The following CUL1 variants were observed in gnomAD, a reference collection of about 807,000 sequenced individuals.
The protein encoded by CUL1 is cullin 1.
In CUL1, 24 loss-of-function variants were observed where a neutral mutation model predicts 118.0. The ratio of observed to expected loss-of-function variants is 0.20; its 90% confidence interval spans 0.15 to 0.29. The LOEUF (loss-of-function observed/expected upper bound fraction) is 0.29. CUL1 is among the 10% of genes least tolerant of loss of function. The pLI is 1.00. For synonymous variants in CUL1, 332 were observed against 340.4 expected, an observed-to-expected ratio of 0.98 and a Z score of 0.27; for missense variants, 361 against 933.8, an observed-to-expected ratio of 0.39 and a Z score of 7.99.
intron 2 of CUL1, among the ~76,000 whole-genome samples, chr7:148,750,997 A>C (rs1480320195): frequency 2.6e-5 from 4 of 151,878 alleles, no homozygotes; most frequent in South Asian, 2.1e-4. Context: ...AAAAAAAAAA[A>C]AACAAAACAA....
intron 2 of CUL1, among the ~76,000 whole-genome samples, chr7:148,749,821 A>T (rs1308402430): frequency 6.6e-6 from 1 of 152,364 alleles, no homozygotes; most frequent in Non-Finnish European, 1.5e-5. Flanking sequence ...ATAGGCCAAA[A>T]GCTAGGCCTC....
intron 1 of CUL1, among the ~76,000 whole-genome samples, chr7:148,716,726 TTTC>T (rs1425186054): frequency 6.6e-6 from 1 of 152,258 alleles, no homozygotes; most frequent in Non-Finnish European, 1.5e-5. Context: ...AAGAATTTAC[TTTC>T]TTATCAGTAT....
chr7:148,759,455 C>A, intron 5 of CUL1, 93 bp from the exon 6 acceptor site: 1 of 1,416,988 alleles, frequency 7.1e-7, no homozygotes. Flanking sequence ...TCCCATCTTA[C>A]ATTGTTTAGT....
chr7:148,725,202 C>CACACACGCGCGCGCGCGCGCGT (rs1554463762), intron 1 of CUL1, among the ~76,000 whole-genome samples: 1 of 134,028 alleles, frequency 7.5e-6, no homozygotes, highest in East Asian at 2.2e-4. Flanking sequence ...CGCGTGTACA[C>CACACACGCGCGCGCGCGCGCGT]ACACACACAC....
chr7:148,799,765 C>G (rs1801326759), intron 21 of CUL1, among the ~76,000 whole-genome samples: 1 of 152,022 alleles, frequency 6.6e-6, no homozygotes, highest in African/African-American at 2.4e-5. Context: ...TAAACAGATT[C>G]TAGAGCACAC....
At chr7:148,754,699 T>C (rs931084659) in intron 3 of CUL1, among the ~76,000 whole-genome samples, 9 of 152,160 alleles carry the variant, frequency 5.9e-5, no homozygotes, top group African/African-American at 1.7e-4. Flanking sequence ...ACCATGTTTT[T>C]CAAATGTGAT....
intron 7 of CUL1, among the ~76,000 whole-genome samples, chr7:148,764,981 T>C (rs1412954333): frequency 2.0e-5 from 3 of 152,246 alleles, no homozygotes; most frequent in East Asian, 1.9e-4. Context: ...CTGCCTCTTA[T>C]TGGAAATGTA....
intron 17 of CUL1, among the ~76,000 whole-genome samples, chr7:148,796,835 C>G (rs1197496014): frequency 6.6e-6 from 1 of 152,194 alleles, no homozygotes; most frequent in Non-Finnish European, 1.5e-5. Context: ...GCTCTAGATG[C>G]AGTGGGCAGT....
At chr7:148,739,384 T>C (rs1198853747) in intron 2 of CUL1, among the ~76,000 whole-genome samples, 1 of 152,222 alleles carries the variant, frequency 6.6e-6, no homozygotes, top group Non-Finnish European at 1.5e-5. Context: ...CTTTCACTCC[T>C]GCCTCTGCTG....
intron 2 of CUL1, among the ~76,000 whole-genome samples, chr7:148,738,297 C>G (rs1195902581): frequency 2.0e-5 from 3 of 152,202 alleles, no homozygotes; most frequent in Non-Finnish European, 4.4e-5. Flanking sequence ...GTACCTGGCA[C>G]TGGACAGGTG....
chr7:148,727,232 C>G (rs1313360754), intron 1 of CUL1, among the ~76,000 whole-genome samples: 1 of 151,826 alleles, frequency 6.6e-6, no homozygotes, highest in Non-Finnish European at 1.5e-5. Flanking sequence ...TTGCAGTGAC[C>G]AAAATAATAC....
intron 9 of CUL1, among the ~76,000 whole-genome samples, chr7:148,774,255 A>G (rs1800325219): frequency 6.6e-6 from 1 of 152,194 alleles, no homozygotes. Flanking sequence ...CTAGTAACTC[A>G]GAAGAATGAT....
intron 2 of CUL1, among the ~76,000 whole-genome samples, chr7:148,749,155 G>A (rs753706229): frequency 2.6e-5 from 4 of 152,170 alleles, no homozygotes; most frequent in Admixed American, 6.5e-5. Context: ...GGTGGCTCAC[G>A]CCTGTAATCC....
At chr7:148,758,423 C>T (rs543695042) in intron 4 of CUL1, among the ~76,000 whole-genome samples, 23 of 152,100 alleles carry the variant, frequency 1.5e-4, no homozygotes, top group Admixed American at 1.0e-3. Flanking sequence ...TTTGGGAGAC[C>T]GAGGCAGGAG....
chr7:148,796,023 G>GTA (rs57997918), intron 17 of CUL1, among the ~76,000 whole-genome samples: 12,747 of 151,924 alleles, frequency 0.084, 676 homozygotes, highest in African/African-American at 0.14. Flanking sequence ...AGAATTTGTG[G>GTA]CAAGAACAAG....
chr7:148,737,813 G>A (rs1799010567), intron 2 of CUL1, among the ~76,000 whole-genome samples: 1 of 151,814 alleles, frequency 6.6e-6, no homozygotes, highest in Non-Finnish European at 1.5e-5. Context: ...AGCCAGGCTG[G>A]TCTTGAGCTC....
intron 19 of CUL1, among the ~76,000 whole-genome samples, 191 bp downstream of exon 19, chr7:148,798,210 C>T (rs1801272785): frequency 6.6e-6 from 1 of 152,144 alleles, no homozygotes; most frequent in Non-Finnish European, 1.5e-5. Flanking sequence ...CAATTCTGAG[C>T]TTCTGGGATT....
At chr7:148,755,482 G>A (rs1799625625) in intron 3 of CUL1, among the ~76,000 whole-genome samples, 1 of 152,224 alleles carries the variant, frequency 6.6e-6, no homozygotes, top group South Asian at 2.1e-4. Context: ...CTAACAGACT[G>A]TATGTAGTTG....
intron 2 of CUL1, among the ~76,000 whole-genome samples, chr7:148,751,214 C>T (rs1478748663): frequency 3.3e-5 from 5 of 151,968 alleles, no homozygotes; most frequent in African/African-American, 1.2e-4. Flanking sequence ...AATTTTGGAC[C>T]AGCCAGGGCA....
Sources: allele counts gnomAD v4.1 joint callset (sites outside exome capture counted in the v4.1 genomes callset), GRCh38; gene constraint gnomAD v4.1.1; transcripts MANE v1.5; gene names NCBI Gene and HGNC (gene_info 2026-07-23, HGNC 2026-07-21).